The following ST6GALNAC3 variants were observed in gnomAD, a reference collection of about 807,000 sequenced individuals.
ST6GALNAC3 encodes alpha-N-acetylgalactosaminide alpha-2,6-sialyltransferase 3.
In ST6GALNAC3, 25 loss-of-function variants were observed where a neutral mutation model predicts 32.7. That is an observed-to-expected ratio of 0.76 (90% CI 0.56 to 1.07). The LOEUF (loss-of-function observed/expected upper bound fraction) is 1.07, where lower values mean the gene tolerates loss of function less well. Ranked by LOEUF, ST6GALNAC3 falls within the 50% of genes least tolerant of loss-of-function variation. The pLI is 0.00. For missense variants in ST6GALNAC3, 355 were observed against 382.4 expected (o/e 0.93, Z 0.60); for synonymous variants, 129 against 133.1 (o/e 0.97, Z 0.21).
At chr1:76,183,876 A>ATATATATATATATATATATATG (rs1557679664) in intron 1 of ST6GALNAC3, among the ~76,000 whole-genome samples, 2 of 143,394 alleles carry the variant, frequency 1.4e-5, no homozygotes, top group African/African-American at 5.1e-5. Context: ...ATATATATGT[A>ATATATATATATATATATATATG]TGTTACTGAA....
chr1:76,454,940 A>G (rs1395004006), intron 3 of ST6GALNAC3, among the ~76,000 whole-genome samples: 1 of 148,882 alleles, frequency 6.7e-6, no homozygotes, highest in Non-Finnish European at 1.5e-5. Flanking sequence ...TTTTTTTTTC[A>G]GTTCTGTTTC....
At chr1:76,244,686 A>G (rs1037223796) in intron 1 of ST6GALNAC3, among the ~76,000 whole-genome samples, 2 of 152,190 alleles carry the variant, frequency 1.3e-5, no homozygotes, top group African/African-American at 2.4e-5. Context: ...CGTTTTCTGC[A>G]TCTATTGAGA....
intron 1 of ST6GALNAC3, among the ~76,000 whole-genome samples, chr1:76,084,354 A>C (rs760714264): frequency 1.3e-5 from 2 of 152,104 alleles, no homozygotes; most frequent in African/African-American, 4.8e-5. Context: ...TCCTGAGCCT[A>C]ATTTTACCCC....
chr1:76,524,979 A>G (rs72989936), intron 3 of ST6GALNAC3, among the ~76,000 whole-genome samples: 5,099 of 152,180 alleles, frequency 0.034, 172 homozygotes, highest in African/African-American at 0.09. Context: ...GAAATTGAAG[A>G]GAAATATTAC....
intron 1 of ST6GALNAC3, among the ~76,000 whole-genome samples, chr1:76,280,089 C>T (rs1659413055): frequency 6.6e-6 from 1 of 152,028 alleles, no homozygotes; most frequent in African/African-American, 2.4e-5. Context: ...ACTTCTCCTT[C>T]GCCTTTTCTC....
At chr1:76,308,343 G>A (rs1386122490) in intron 1 of ST6GALNAC3, among the ~76,000 whole-genome samples, 4 of 152,030 alleles carry the variant, frequency 2.6e-5, no homozygotes, top group Non-Finnish European at 2.9e-5. Context: ...TCCACTCATT[G>A]TATCACTTAA....
At chr1:76,139,086 A>T (rs1047300693) in intron 1 of ST6GALNAC3, among the ~76,000 whole-genome samples, 2 of 151,838 alleles carry the variant, frequency 1.3e-5, no homozygotes, top group African/African-American at 2.4e-5. Context: ...CCCAGCTACT[A>T]GGGAGGCTGA....
chr1:76,143,658 C>T (rs1009601650), intron 1 of ST6GALNAC3, among the ~76,000 whole-genome samples: 1 of 152,140 alleles, frequency 6.6e-6, no homozygotes, highest in Non-Finnish European at 1.5e-5. Flanking sequence ...CAATACATTA[C>T]TCTTCAGCCC....
chr1:76,501,412 AC>A (rs1215853174), intron 3 of ST6GALNAC3, among the ~76,000 whole-genome samples: 1 of 152,192 alleles, frequency 6.6e-6, no homozygotes, highest in Non-Finnish European at 1.5e-5. Context: ...TTGCACAAAA[AC>A]AAACACCAGG....
At chr1:76,078,211 A>G (rs955234145) in intron 1 of ST6GALNAC3, among the ~76,000 whole-genome samples, 4 of 152,210 alleles carry the variant, frequency 2.6e-5, no homozygotes, top group Non-Finnish European at 4.4e-5. Flanking sequence ...TGAATTTTGC[A>G]GTAGATTTTA....
rs191530393 is a variant in ST6GALNAC3 at position 76,348,951 on chromosome 1, T to G, written c.213+34952T>G. Among the ~76,000 whole-genome samples the G allele has an allele frequency of 2.7e-3, 405 of 152,304 alleles. 1 individual carries two copies. Among genetic ancestry groups the G allele is most frequent in the African/African-American group, 9.2e-3 (384 of 41,564 alleles). On this transcript the variant is annotated intron_variant, in intron 2 of 4. Coordinates refer to ENST00000328299, the MANE Select transcript of ST6GALNAC3 (RefSeq NM_152996.4). The stretch of plus-strand genomic sequence containing the variant: ...ACTCAGTAATGAAAACCATTAGTTT[T>G]AATCTTCTGTTTAAAATTTTACAAA...
chr1:76,145,380 C>G (rs1034574734), intron 1 of ST6GALNAC3, among the ~76,000 whole-genome samples: 1 of 152,180 alleles, frequency 6.6e-6, no homozygotes, highest in African/African-American at 2.4e-5. Flanking sequence ...CCTTTCAACT[C>G]AAAGTGTGGG....
At chr1:76,211,192 T>C (rs1412042269) in intron 1 of ST6GALNAC3, among the ~76,000 whole-genome samples, 3 of 152,164 alleles carry the variant, frequency 2.0e-5, no homozygotes, top group African/African-American at 7.2e-5. Flanking sequence ...AAAATGCTCA[T>C]CATCACTGGC....
chr1:76,312,338 C>T (rs966595886), intron 1 of ST6GALNAC3, among the ~76,000 whole-genome samples: 1 of 152,114 alleles, frequency 6.6e-6, no homozygotes, highest in Non-Finnish European at 1.5e-5. Flanking sequence ...AAAACCTAGG[C>T]AGTATCATTC....
intron 3 of ST6GALNAC3, among the ~76,000 whole-genome samples, chr1:76,589,170 A>G (rs1647008911): frequency 6.6e-6 from 1 of 152,356 alleles, no homozygotes; most frequent in African/African-American, 2.4e-5. Context: ...AAGACATTTC[A>G]TCACAGCAAA....
intron 1 of ST6GALNAC3, among the ~76,000 whole-genome samples, chr1:76,195,775 C>T (rs148226742): frequency 6.6e-6 from 1 of 152,328 alleles, no homozygotes; most frequent in African/African-American, 2.4e-5. Flanking sequence ...CAACATTCCT[C>T]CAGGATCAAG....
At chr1:76,616,005 A>G (rs374584367) in intron 3 of ST6GALNAC3, among the ~76,000 whole-genome samples, 2 of 152,158 alleles carry the variant, frequency 1.3e-5, no homozygotes, top group African/African-American at 4.8e-5. Flanking sequence ...AAAATAAATT[A>G]TTGTGAAAAA....
At chr1:76,576,343 G>A (rs1164386705) in intron 3 of ST6GALNAC3, among the ~76,000 whole-genome samples, 3 of 152,034 alleles carry the variant, frequency 2.0e-5, no homozygotes, top group Non-Finnish European at 4.4e-5. Context: ...AAGTGTTTTT[G>A]TATGTCCTGA....
intron 1 of ST6GALNAC3, among the ~76,000 whole-genome samples, chr1:76,140,801 T>C (rs1650272855): frequency 9.8e-6 from 1 of 102,218 alleles, no homozygotes; most frequent in Non-Finnish European, 2.2e-5. Flanking sequence ...TTTCTAATTT[T>C]TTTTTTTTTT....
Sources: allele counts gnomAD v4.1 joint callset (sites outside exome capture counted in the v4.1 genomes callset), GRCh38; gene constraint gnomAD v4.1.1; transcripts MANE v1.5; gene names NCBI Gene and HGNC (gene_info 2026-07-23, HGNC 2026-07-21).